Variants in OPHN1 observed in about 807,000 individuals in gnomAD.
OPHN1 encodes the protein oligophrenin 1.
In OPHN1, 11 loss-of-function variants were observed where a neutral mutation model predicts 60.7. The ratio of observed to expected loss-of-function variants is 0.18; its 90% confidence interval spans 0.11 to 0.30. OPHN1 has a LOEUF of 0.30. OPHN1 is among the 10% of genes least tolerant of loss of function. The pLI is 1.00. For missense variants in OPHN1, 449 were observed against 611.0 expected, an observed-to-expected ratio of 0.73 and a Z score of 2.80; for synonymous variants, 226 against 222.6, an observed-to-expected ratio of 1.02 and a Z score of -0.14.
intron 2 of OPHN1, among the ~76,000 whole-genome samples, chrX:68,349,423 G>A (rs763941284): frequency 8.9e-6 from 1 of 111,811 alleles, no homozygotes; most frequent in South Asian, 3.7e-4. Context: ...TGCTGGAGAG[G>A]TTGTGGAAAA....
chrX:68,277,407 G>C (rs1211273243), intron 4 of OPHN1, among the ~76,000 whole-genome samples: 2 of 112,497 alleles, frequency 1.8e-5, no homozygotes, highest in Non-Finnish European at 3.7e-5. Context: ...CTGCAGGCTA[G>C]GGGTTGGGGA....
At chrX:68,261,170 C>T (rs1394149281) in intron 5 of OPHN1, among the ~76,000 whole-genome samples, 2 of 111,415 alleles carry the variant, frequency 1.8e-5, no homozygotes, top group East Asian at 2.8e-4. Context: ...CTTAGTCAGA[C>T]AATTTGGCCC....
At chrX:68,303,064 T>C (rs1007147101) in intron 2 of OPHN1, among the ~76,000 whole-genome samples, 1 of 111,673 alleles carries the variant, frequency 9.0e-6, no homozygotes, top group African/African-American at 3.3e-5. Flanking sequence ...GGAAAGTGAA[T>C]AGGATGCACA....
chrX:68,193,099 T>C, intron 14 of OPHN1, 106 bp from the exon 15 acceptor site: 1 of 578,274 alleles, frequency 1.7e-6, no homozygotes, highest in Non-Finnish European at 3.0e-6. Context: ...CACTACATAC[T>C]CCAAGTTCTC....
intron 2 of OPHN1, among the ~76,000 whole-genome samples, chrX:68,377,400 CTTTTT>C (rs1197999479): frequency 1.9e-5 from 2 of 107,186 alleles, no homozygotes; most frequent in South Asian, 4.1e-4. Flanking sequence ...CCAGCCTTCT[CTTTTT>C]TTTTATTTTT....
intron 3 of OPHN1, among the ~76,000 whole-genome samples, chrX:68,298,753 G>A (rs1406636979): frequency 8.9e-6 from 1 of 112,091 alleles, no homozygotes; most frequent in Non-Finnish European, 1.9e-5. Flanking sequence ...AGAAAAGGTC[G>A]CTTGCAGACT....
chrX:68,359,631 C>A (rs1395970285), intron 2 of OPHN1, among the ~76,000 whole-genome samples: 2 of 109,732 alleles, frequency 1.8e-5, no homozygotes, highest in East Asian at 2.9e-4. Context: ...TCAAGGTGGG[C>A]GGATCACGAG....
At chrX:68,328,425 G>A (rs1399818251) in intron 2 of OPHN1, among the ~76,000 whole-genome samples, 1 of 113,110 alleles carries the variant, frequency 8.8e-6, no homozygotes, top group Non-Finnish European at 1.9e-5. Flanking sequence ...ACCGCGCCCA[G>A]CCAAAACTTT....
At chrX:68,205,661 C>G (rs1412959536) in intron 10 of OPHN1, among the ~76,000 whole-genome samples, 1 of 111,072 alleles carries the variant, frequency 9.0e-6, no homozygotes, top group African/African-American at 3.3e-5. Flanking sequence ...CATGAGCAAG[C>G]CACACAAGAG....
At chrX:68,223,769 A>G (rs1024334473) in intron 6 of OPHN1, among the ~76,000 whole-genome samples, 1 of 111,857 alleles carries the variant, frequency 8.9e-6, no homozygotes, top group African/African-American at 3.2e-5. Context: ...TCATGCTAAC[A>G]TTAATCAAAA....
At chrX:68,118,769 G>C (rs1328705083) in intron 16 of OPHN1, among the ~76,000 whole-genome samples, 2 of 111,727 alleles carry the variant, frequency 1.8e-5, no homozygotes, top group Non-Finnish European at 3.8e-5. Context: ...TATTATTACA[G>C]TTGTATTTTC....
intron 3 of OPHN1, among the ~76,000 whole-genome samples, chrX:68,284,586 T>C (rs924127871): frequency 2.7e-5 from 3 of 111,599 alleles, no homozygotes; most frequent in Admixed American, 9.6e-5. Context: ...TTTTAAAGTG[T>C]ACAATTCGGG....
At chrX:68,335,688 G>C (rs2078318879) in intron 2 of OPHN1, among the ~76,000 whole-genome samples, 2 of 111,609 alleles carry the variant, frequency 1.8e-5, no homozygotes, top group South Asian at 7.5e-4. Flanking sequence ...CAGCACTTTG[G>C]GAGGCCAAGG....
chrX:68,335,439 T>C (rs899608458), intron 2 of OPHN1, among the ~76,000 whole-genome samples: 7 of 112,060 alleles, frequency 6.2e-5, no homozygotes, highest in Non-Finnish European at 1.1e-4. Context: ...GAATTTGCAA[T>C]GTTAACATTT....
rs2076825123 is a variant in OPHN1 at position 68,044,171 on chromosome X, A to C, written c.*3001T>G. On this transcript the variant is annotated 3_prime_UTR_variant, in exon 25 of 25. Coordinates refer to ENST00000355520, the MANE Select transcript of OPHN1 (RefSeq NM_002547.3). ...TGAACCTGCACCCCCTCCCTCCTTC[A>C]AATGTTTGCCTTTCAATATTTTGTT... 1 of 112,272 alleles carries C rather than the reference A, an allele frequency of 8.9e-6. No homozygotes were observed. Among genetic ancestry groups the C allele is most frequent in the Non-Finnish European group, 1.9e-5 (1 of 53,252 alleles). The allele number at this position is 112,272 out of a possible 1,213,427, so 9.3% of individuals were successfully genotyped here.
rs959877691 is a variant in OPHN1 at position 68,433,472 on chromosome X, C to A, written c.-309G>T. On this transcript the variant is annotated 5_prime_UTR_variant, in exon 1 of 25. Transcript: ENST00000355520. Reference sequence around the variant, plus strand: ...ACAGCCTCTCTACAGGCTCCTCGCTCCGGAGCGAGCGGAAGACTTCCTTGG... The same window carrying A: ...ACAGCCTCTCTACAGGCTCCTCGCTACGGAGCGAGCGGAAGACTTCCTTGG... The A allele has an allele frequency of 1.1e-5, 3 of 273,063 alleles. No individual in the cohort carries two copies. The highest frequency in any genetic ancestry group is 8.3e-5 in the African/African-American group (3 of 35,958). 22.5% of individuals were successfully genotyped at this position (273,063 alleles called of 1,213,427 possible).
intron 19 of OPHN1, among the ~76,000 whole-genome samples, chrX:68,084,022 C>A (rs929211328): frequency 5.4e-5 from 6 of 111,034 alleles, no homozygotes; most frequent in Non-Finnish European, 1.1e-4. Flanking sequence ...TGAAATACTG[C>A]AAGAATTTTC....
chrX:68,052,618 TA>T (rs779089872), intron 22 of OPHN1, 28 bp from the exon 23 acceptor site: 2 of 1,190,627 alleles, frequency 1.7e-6, no homozygotes, highest in African/African-American at 3.5e-5. Context: ...CCAAGTCCCA[TA>T]AGTTGCTTTG....
chrX:68,251,836 C>G (rs2077836936), intron 5 of OPHN1, among the ~76,000 whole-genome samples: 1 of 111,869 alleles, frequency 8.9e-6, no homozygotes, highest in African/African-American at 3.3e-5. Context: ...ACTGCCACTA[C>G]TTTTCAGCCA....
Sources: gnomAD v4.1 joint callset for allele counts (sites outside exome capture counted in the v4.1 genomes callset) on GRCh38, gnomAD v4.1.1 for gene constraint, MANE v1.5 for transcripts, NCBI Gene and HGNC (gene_info 2026-07-23, HGNC 2026-07-21) for gene names.